The following WDR64 variants were observed in gnomAD, a reference collection of about 807,000 sequenced individuals.
The protein encoded by WDR64 is WD repeat-containing protein 64.
WDR64 carries 112 observed loss-of-function variants against 139.3 expected under a neutral mutation model. The observed-to-expected ratio is 0.80, with a 90% CI of 0.69 to 0.94. The LOEUF (loss-of-function observed/expected upper bound fraction) is 0.94. WDR64 is among the 40% of genes least tolerant of loss of function. The pLI, the probability that WDR64 is intolerant of heterozygous loss-of-function variation, is 0.00. For synonymous variants in WDR64, 444 were observed against 437.7 expected (o/e 1.01, Z -0.18); for missense variants, 1,206 against 1,293.1 (o/e 0.93, Z 1.03).
chr1:241,724,825 G>C (rs1668739177), intron 10 of WDR64, among the ~76,000 whole-genome samples: 1 of 152,160 alleles, frequency 6.6e-6, no homozygotes, highest in Non-Finnish European at 1.5e-5. Flanking sequence ...CAGGCGCTGT[G>C]CTAAGTATTT....
intron 4 of WDR64, among the ~76,000 whole-genome samples, chr1:241,675,541 C>T (rs1666518537): frequency 6.6e-6 from 1 of 152,010 alleles, no homozygotes; most frequent in Non-Finnish European, 1.5e-5. Context: ...AAAAGATGAT[C>T]CTGGATAATA....
chr1:241,769,715 G>A (rs1216928312), intron 17 of WDR64, among the ~76,000 whole-genome samples: 1 of 152,210 alleles, frequency 6.6e-6, no homozygotes, highest in Non-Finnish European at 1.5e-5. Flanking sequence ...CATTTTGGAG[G>A]TGAGGTTCTC....
At chr1:241,697,416 G>A (rs1266642278) in intron 8 of WDR64, among the ~76,000 whole-genome samples, 1 of 152,052 alleles carries the variant, frequency 6.6e-6, no homozygotes, top group African/African-American at 2.4e-5. Flanking sequence ...ATCTTCTCCA[G>A]GATCTTGCTG....
Position 241,772,929 on chromosome 1 carries a change from G to C in WDR64, c.2428G>C (p.Glu810Gln). Residue 810 changes from glutamate (E) to glutamine (Q), a missense_variant and splice_region_variant, in exon 20 of 28, where the codon GAG becomes CAG. Glu to Gln is a conservative substitution (Grantham distance 29). Coordinates refer to ENST00000437684, the MANE Select transcript of WDR64 (RefSeq NM_001367482.1). ...TGGACACCTCCGCTTGTGGACTCTG[G>C]AGGTAATGGAACCCAGCAAGTCTGG... is the stretch of plus-strand genomic sequence containing the variant. ...EDGHLRLWTL[E>Q]GRLLKDMLPF... The C allele has an allele frequency of 6.5e-7, 1 of 1,549,586 alleles. No homozygotes were observed. The highest frequency in any genetic ancestry group is 8.7e-7 in the Non-Finnish European group (1 of 1,145,932).
Position 241,766,359 on chromosome 1 carries a change from G to C in WDR64, c.2081+8G>C, listed in dbSNP as rs999605219. 1 of 1,613,138 alleles carries C rather than the reference G, an allele frequency of 6.2e-7. No individual in the cohort carries two copies. Among genetic ancestry groups the C allele is most frequent in the African/African-American group, 1.3e-5 (1 of 75,012 alleles). On this transcript the variant is annotated splice_region_variant and intron_variant, in intron 16 of 27. Coordinates refer to ENST00000437684, the MANE Select transcript of WDR64 (RefSeq NM_001367482.1). ...GTCTACTGTCAAAAAAGTGTAAGTTGTGTATTATCCTTAAACAATGTAAAA... is the reference window on the plus strand; with the variant it reads ...GTCTACTGTCAAAAAAGTGTAAGTTCTGTATTATCCTTAAACAATGTAAAA...
intron 8 of WDR64, among the ~76,000 whole-genome samples, chr1:241,690,315 A>G (rs1327707347): frequency 6.6e-6 from 1 of 152,118 alleles, no homozygotes; most frequent in East Asian, 1.9e-4. Flanking sequence ...TACTAAAAAT[A>G]CAAAAATTAG....
intron 9 of WDR64, among the ~76,000 whole-genome samples, chr1:241,723,018 A>G (rs530773140): frequency 6.6e-4 from 100 of 152,326 alleles, no homozygotes; most frequent in Middle Eastern, 3.4e-3. Flanking sequence ...GCATCAAAGT[A>G]TAGGAAAGGA....
intron 14 of WDR64, among the ~76,000 whole-genome samples, chr1:241,751,991 A>C (rs988053385): frequency 1.3e-5 from 2 of 152,186 alleles, no homozygotes; most frequent in African/African-American, 2.4e-5. Context: ...ATGATAAACA[A>C]AGCACTATGG....
chr1:241,758,228 C>A (rs1203915512), intron 15 of WDR64, among the ~76,000 whole-genome samples: 1 of 148,580 alleles, frequency 6.7e-6, no homozygotes, highest in Non-Finnish European at 1.5e-5. Context: ...TAATTGACTA[C>A]AACATTGATT....
At chr1:241,790,743 C>T in intron 25 of WDR64, 47 bp downstream of exon 25, 1 of 1,397,162 alleles carries the variant, frequency 7.2e-7, no homozygotes, top group Non-Finnish European at 9.8e-7. Context: ...AACAACAAAA[C>T]CTTTGCTTTT....
At chr1:241,758,263 T>G (rs975376493) in intron 15 of WDR64, among the ~76,000 whole-genome samples, 6 of 152,000 alleles carry the variant, frequency 3.9e-5, no homozygotes, top group Non-Finnish European at 7.4e-5. Flanking sequence ...GCAAGACACC[T>G]TCATAGGTGC....
chr1:241,662,688 G>C (rs184697044), intron 2 of WDR64, among the ~76,000 whole-genome samples: 87 of 152,306 alleles, frequency 5.7e-4, no homozygotes, highest in African/African-American at 2.0e-3. Flanking sequence ...AGTGTGACTT[G>C]TGTGTCTGGG....
chr1:241,727,083 C>T (rs1297464183), intron 10 of WDR64, among the ~76,000 whole-genome samples: 8 of 152,024 alleles, frequency 5.3e-5, no homozygotes, highest in African/African-American at 7.2e-5. Flanking sequence ...GACAGGGTTT[C>T]GTCATGTTGT....
intron 13 of WDR64, among the ~76,000 whole-genome samples, chr1:241,748,652 A>T (rs1669856664): frequency 2.0e-5 from 3 of 152,104 alleles, no homozygotes. Flanking sequence ...TGTAAGAAAA[A>T]CACTTGGCCG....
intron 8 of WDR64, among the ~76,000 whole-genome samples, chr1:241,699,481 CAAAT>C (rs1308192802): frequency 1.3e-5 from 2 of 152,006 alleles, no homozygotes; most frequent in Admixed American, 6.6e-5. Context: ...AAGGAGAAAA[CAAAT>C]GAATGAATTC....
At chr1:241,753,829 T>C (rs1265867618) in intron 14 of WDR64, among the ~76,000 whole-genome samples, 5 of 152,156 alleles carry the variant, frequency 3.3e-5, no homozygotes, top group African/African-American at 1.2e-4. Context: ...TTTGTGGAAA[T>C]AAATCTTAAA....
intron 22 of WDR64, among the ~76,000 whole-genome samples, chr1:241,782,103 G>C (rs1658865897): frequency 6.6e-6 from 1 of 152,148 alleles, no homozygotes; most frequent in Non-Finnish European, 1.5e-5. Flanking sequence ...TGGCCAACAT[G>C]GTGAAACCCC....
At chr1:241,672,974 T>A (rs895773938) in intron 3 of WDR64, among the ~76,000 whole-genome samples, 7 of 152,198 alleles carry the variant, frequency 4.6e-5, no homozygotes, top group Non-Finnish European at 1.0e-4. Context: ...ACCTGAGTTA[T>A]CCTTTATATT....
At chr1:241,710,594 A>G (rs1668120998) in intron 8 of WDR64, among the ~76,000 whole-genome samples, 1 of 152,136 alleles carries the variant, frequency 6.6e-6, no homozygotes, top group Admixed American at 6.6e-5. Context: ...CTGACACCCA[A>G]AGGAGGATGG....
Sources: allele counts gnomAD v4.1 joint callset (sites outside exome capture counted in the v4.1 genomes callset), GRCh38; gene constraint gnomAD v4.1.1; transcripts MANE v1.5; gene names NCBI Gene and HGNC (gene_info 2026-07-23, HGNC 2026-07-21).